ASCL5: variants seen among roughly 807,000 people sequenced by gnomAD.
ASCL5 encodes achaete-scute homolog 5.
For missense variants in ASCL5, 262 were observed against 268.9 expected (o/e 0.97, Z 0.18); for synonymous variants, 124 against 131.5 (o/e 0.94, Z 0.39).
chr1:201,119,085 A>C (rs1027544776), intron 1 of ASCL5, among the ~76,000 whole-genome samples: 3 of 152,250 alleles, frequency 2.0e-5, no homozygotes, highest in Non-Finnish European at 4.4e-5. Flanking sequence ...TTACAATTAT[A>C]ATGATAATTC....
intron 1 of ASCL5, among the ~76,000 whole-genome samples, chr1:201,117,610 G>A (rs1037505442): frequency 6.6e-6 from 1 of 152,074 alleles, no homozygotes; most frequent in Non-Finnish European, 1.5e-5. Context: ...TTTGCTTTCC[G>A]GATCTCACAC....
chr1:201,117,015 C>T (rs1461404814), intron 1 of ASCL5, among the ~76,000 whole-genome samples: 1 of 152,158 alleles, frequency 6.6e-6, no homozygotes, highest in Non-Finnish European at 1.5e-5. Flanking sequence ...CCTTCTGCAC[C>T]CTCTCACCTC....
In ASCL5 at chr1:201,115,191, G is replaced by A. The variant is rs1319137793; in HGVS notation, c.182C>T (p.Ala61Val). The A allele has an allele frequency of 8.1e-7, 1 of 1,231,530 alleles. No homozygotes were observed. Among genetic ancestry groups the A allele is most frequent in the Non-Finnish European group, 1.0e-6 (1 of 987,950 alleles). 76.3% of individuals were successfully genotyped at this position (1,231,530 alleles called of 1,614,324 possible). ...PAEPPYYDAY[A>V]GVFPYVPFPG... ...GAAGGGCACGTAGGGGAACACCCCC[G>A]CATAGGCGTCGTAGTAGGGCGGCTC... Residue 61 changes from alanine to valine, a missense_variant, in exon 2 of 2, where the codon GCG (alanine) becomes GTG (valine). Transcript: ENST00000449188.
At chr1:201,120,487 C>T (rs537950410) in intron 1 of ASCL5, among the ~76,000 whole-genome samples, 1 of 152,322 alleles carries the variant, frequency 6.6e-6, no homozygotes, top group African/African-American at 2.4e-5. Context: ...AACCTGAGGG[C>T]CCTCTCCCCA....
At chr1:201,117,709 C>G (rs1277699887) in intron 1 of ASCL5, among the ~76,000 whole-genome samples, 7 of 152,164 alleles carry the variant, frequency 4.6e-5, no homozygotes, top group African/African-American at 1.7e-4. Context: ...CAGCTCCTGC[C>G]CATCCTGACT....
In ASCL5 at chr1:201,115,593, AC is replaced by A; in HGVS notation, c.-222del. The A allele has an allele frequency of 2.7e-6, 1 of 369,510 alleles. No individual in the cohort carries two copies. The highest frequency in any genetic ancestry group is 4.0e-5 in the East Asian group (1 of 25,030). The allele number at this position is 369,510 out of a possible 1,614,324, so 22.9% of individuals were successfully genotyped here. A position where few individuals can be genotyped will look rare whatever the true frequency, so the allele number is the denominator to read the frequency against. On this transcript the variant is annotated 5_prime_UTR_variant, in exon 2 of 2. It introduces an in-frame stop codon into an upstream open reading frame of the 5' UTR. Transcript: ENST00000449188. Reference sequence around the variant, plus strand: ...GTGGCCCCTCTCAGGAGGTCGGTGCACGCCTTCTCAGAGCCAGCCCATGGCG... The same window carrying A: ...GTGGCCCCTCTCAGGAGGTCGGTGCAGCCTTCTCAGAGCCAGCCCATGGCG...
chr1:201,116,205 C>G (rs2102198978), intron 1 of ASCL5, among the ~76,000 whole-genome samples: 1 of 152,310 alleles, frequency 6.6e-6, no homozygotes, highest in South Asian at 2.1e-4. Context: ...TTTGTCATGT[C>G]CCTTGAGACT....
At position 201,127,130 on chromosome 1, in the gene ASCL5, C is replaced by T. The variant is rs888403555; in HGVS notation, c.-552G>A. Reference sequence around the variant, plus strand: ...GCAGCGCTTATCCTGATCAGTGGCTCTTGAACCTCCTGGGGGGACTGCGGA... The same window carrying T: ...GCAGCGCTTATCCTGATCAGTGGCTTTTGAACCTCCTGGGGGGACTGCGGA... On this transcript the variant is annotated 5_prime_UTR_variant, in exon 1 of 2. Coordinates refer to ENST00000449188, the MANE Select transcript of ASCL5 (RefSeq NM_001270601.2). 2.0e-5 allele frequency: 3 copies of T among 152,432 alleles called. No individual in the cohort carries two copies. Among genetic ancestry groups the T allele is most frequent in the Non-Finnish European group, 2.9e-5 (2 of 68,172 alleles). The allele number at this position is 152,432 out of a possible 1,614,324, so 9.4% of individuals were successfully genotyped here. A position where few individuals can be genotyped will look rare whatever the true frequency, so the allele number is the denominator to read the frequency against.
At chr1:201,123,994 G>A (rs1053899586) in intron 1 of ASCL5, among the ~76,000 whole-genome samples, 2 of 152,136 alleles carry the variant, frequency 1.3e-5, no homozygotes, top group Admixed American at 6.5e-5. Context: ...TGCTCTCTCT[G>A]GCTGAAGTGA....
Position 201,114,377 on chromosome 1 carries a change from G to A in ASCL5, c.*375C>T. 1 of 185,560 alleles carries A rather than the reference G, an allele frequency of 5.4e-6. No individual in the cohort carries two copies. Among genetic ancestry groups the A allele is most frequent in the Non-Finnish European group, 1.1e-5 (1 of 90,308 alleles). 11.5% of individuals were successfully genotyped at this position (185,560 alleles called of 1,614,324 possible). A position where few individuals can be genotyped will look rare whatever the true frequency, so the allele number is the denominator to read the frequency against. ...GCATCCCGGGGACTCGCAGAGACTG[G>A]ACTGCGCCTGCGGCAAGGAAGGACG... On this transcript the variant is annotated 3_prime_UTR_variant, in exon 2 of 2. Transcript: ENST00000449188.
chr1:201,118,289 G>A (rs967376443), intron 1 of ASCL5, among the ~76,000 whole-genome samples: 17 of 152,126 alleles, frequency 1.1e-4, no homozygotes, highest in Non-Finnish European at 2.4e-4. Flanking sequence ...AGACCAGCCT[G>A]AGCAACATGG....
chr1:201,115,137 G>A lies in ASCL5; in HGVS notation c.236C>T (p.Pro79Leu). The change falls in exon 2 of 2, where the codon CCC (proline) becomes CTC (leucine). Residue 79 changes from proline to leucine, a missense_variant. Pro to Leu is a moderately conservative substitution (Grantham distance 98, BLOSUM62 -3). Coordinates refer to ENST00000449188, the MANE Select transcript of ASCL5 (RefSeq NM_001270601.2). The stretch of plus-strand genomic sequence containing the variant: ...CTTCTGGATGAAGGCTGGCTCGAAG[G>A]GGTATTCGTAGACCCCGAAGGCGCC... ...FPGAFGVYEY[P>L]FEPAFIQKRN... is the part of the protein sequence containing the mutation. The A allele has an allele frequency of 4.9e-6, 6 of 1,231,724 alleles. No individual in the cohort carries two copies. Among genetic ancestry groups the A allele is most frequent in the Non-Finnish European group, 6.1e-6 (6 of 987,964 alleles). The allele number at this position is 1,231,724 out of a possible 1,614,324, so 76.3% of individuals were successfully genotyped here.
At chr1:201,124,339 G>A (rs796596078) in intron 1 of ASCL5, among the ~76,000 whole-genome samples, 13 of 152,274 alleles carry the variant, frequency 8.5e-5, no homozygotes, top group African/African-American at 3.1e-4. Context: ...TGCCCCCAAG[G>A]GTGCTGCCTG....
At chr1:201,123,420 A>G (rs1054343236) in intron 1 of ASCL5, among the ~76,000 whole-genome samples, 13 of 152,190 alleles carry the variant, frequency 8.5e-5, no homozygotes, top group Non-Finnish European at 1.5e-4. Flanking sequence ...GTGCCCACAC[A>G]TGCCTAGCAC....
chr1:201,116,830 C>G (rs1663358730), intron 1 of ASCL5, among the ~76,000 whole-genome samples: 1 of 152,170 alleles, frequency 6.6e-6, no homozygotes, highest in Non-Finnish European at 1.5e-5. Flanking sequence ...ACTTATCACA[C>G]TACTCTATTA....
intron 1 of ASCL5, among the ~76,000 whole-genome samples, chr1:201,124,167 G>A (rs1469914465): frequency 6.6e-6 from 1 of 152,224 alleles, no homozygotes; most frequent in Non-Finnish European, 1.5e-5. Context: ...GTGAAGTCAT[G>A]GTCAGAATGA....
intron 1 of ASCL5, among the ~76,000 whole-genome samples, chr1:201,122,964 C>T (rs1333419476): frequency 6.6e-6 from 1 of 152,140 alleles, no homozygotes; most frequent in African/African-American, 2.4e-5. Flanking sequence ...ATGTGAGCCA[C>T]GTGGCACCTA....
At chr1:201,121,082 CT>C (rs1663445264) in intron 1 of ASCL5, among the ~76,000 whole-genome samples, 1 of 152,212 alleles carries the variant, frequency 6.6e-6, no homozygotes, top group Non-Finnish European at 1.5e-5. Flanking sequence ...AGAAATGCAG[CT>C]CCCCGCATTT....
chr1:201,124,315 G>C (rs2102202612), intron 1 of ASCL5, among the ~76,000 whole-genome samples: 1 of 152,234 alleles, frequency 6.6e-6, no homozygotes, highest in South Asian at 2.1e-4. Context: ...TTGAGGGGTG[G>C]GTACCATGGA....
Sources: allele counts gnomAD v4.1 joint callset (sites outside exome capture counted in the v4.1 genomes callset), GRCh38; gene constraint gnomAD v4.1.1; transcripts MANE v1.5; gene names NCBI Gene and HGNC (gene_info 2026-07-23, HGNC 2026-07-21).